Variants in SPECC1 observed in about 807,000 individuals in gnomAD.
SPECC1 encodes sperm antigen with calponin homology and coiled-coil domains 1, also known as cytospin-B.
A neutral mutation model predicts 104.1 loss-of-function variants in SPECC1; 62 were observed. That is an observed-to-expected ratio of 0.60 (90% CI 0.49 to 0.74). The LOEUF (loss-of-function observed/expected upper bound fraction) is 0.74. Among genes scored for constraint, SPECC1 ranks in the 30% least tolerant of loss-of-function variants. The pLI, the probability that SPECC1 is intolerant of heterozygous loss-of-function variation, is 0.00. For synonymous variants in SPECC1, 513 were observed against 501.6 expected (o/e 1.02, Z -0.30); for missense variants, 1,306 against 1,310.5 (o/e 1.00, Z 0.05).
At chr17:20,033,026 G>A (rs1268831855) in intron 1 of SPECC1, among the ~76,000 whole-genome samples, 5 of 151,060 alleles carry the variant, frequency 3.3e-5, no homozygotes, top group South Asian at 2.1e-4. Flanking sequence ...GTTCAGTGGC[G>A]TGATCTCGGC....
At chr17:20,258,661 A>G (rs934004555) in intron 11 of SPECC1, among the ~76,000 whole-genome samples, 2 of 152,204 alleles carry the variant, frequency 1.3e-5, no homozygotes, top group Non-Finnish European at 2.9e-5. Flanking sequence ...TGCCTTTGTA[A>G]TAGAACATGA....
chr17:20,204,590 G>A lies in SPECC1; in HGVS notation c.541G>A (p.Asp181Asn). 1.2e-6 allele frequency: 2 copies of A among 1,614,230 alleles called. No individual in the cohort carries two copies. The highest frequency in any genetic ancestry group is 1.7e-6 in the Non-Finnish European group (2 of 1,180,038). The change falls in exon 4 of 15, where the codon GAT becomes AAT. Residue 181 changes from aspartate to asparagine, a missense_variant. Asp to Asn is a conservative substitution (Grantham distance 23). Transcript: ENST00000395527. Reference sequence around the variant, plus strand: ...ACTTTTGGCAGAAGCCAAAGCAAAAGATAGTGAAATTAACAGGCTTCGAAG... The same window carrying A: ...ACTTTTGGCAGAAGCCAAAGCAAAAAATAGTGAAATTAACAGGCTTCGAAG... The part of the protein sequence containing the change: ...RELLAEAKAK[D>N]SEINRLRSEL...
intron 1 of SPECC1, among the ~76,000 whole-genome samples, chr17:20,041,527 G>A (rs930504964): frequency 1.3e-5 from 2 of 151,474 alleles, no homozygotes; most frequent in African/African-American, 4.9e-5. Context: ...CAGGCTGTGA[G>A]CCACTGCACC....
At chr17:20,060,351 T>C (rs1216434174) in intron 1 of SPECC1, among the ~76,000 whole-genome samples, 1 of 152,184 alleles carries the variant, frequency 6.6e-6, no homozygotes, top group African/African-American at 2.4e-5. Context: ...GCTTCATAAA[T>C]GCTAAAGCGT....
intron 3 of SPECC1, among the ~76,000 whole-genome samples, chr17:20,182,470 A>T (rs1027702014): frequency 5.9e-5 from 9 of 152,132 alleles, no homozygotes; most frequent in Non-Finnish European, 1.0e-4. Context: ...GAATCGGTTT[A>T]AAAAAAGATA....
chr17:20,075,085 T>A (rs2046705434), intron 1 of SPECC1, among the ~76,000 whole-genome samples: 1 of 151,174 alleles, frequency 6.6e-6, no homozygotes, highest in Admixed American at 6.6e-5. Flanking sequence ...GTATTTTTAG[T>A]AAAGACAACA....
chr17:20,171,618 G>C (rs1327906712), intron 3 of SPECC1, among the ~76,000 whole-genome samples: 1 of 152,020 alleles, frequency 6.6e-6, no homozygotes. Context: ...TGCAATCATG[G>C]CTCACTGCAG....
At chr17:20,081,545 G>C (rs986324530) in intron 1 of SPECC1, among the ~76,000 whole-genome samples, 4 of 152,046 alleles carry the variant, frequency 2.6e-5, no homozygotes, top group African/African-American at 9.7e-5. Context: ...TTGAGCAGAG[G>C]AGTGATGGGA....
intron 1 of SPECC1, among the ~76,000 whole-genome samples, chr17:20,048,825 G>A (rs1268598575): frequency 2.0e-5 from 3 of 151,902 alleles, no homozygotes; most frequent in Non-Finnish European, 2.9e-5. Flanking sequence ...CCAGGAGGTC[G>A]AGGCTGCAGT....
At chr17:20,307,837 ATTCT>A (rs746336384) in intron 14 of SPECC1, among the ~76,000 whole-genome samples, 12 of 152,348 alleles carry the variant, frequency 7.9e-5, no homozygotes, top group East Asian at 1.9e-4. Flanking sequence ...GAGTCCACAG[ATTCT>A]TTATTTATCT....
At chr17:20,183,068 AAG>A (rs1244460072) in intron 3 of SPECC1, among the ~76,000 whole-genome samples, 1 of 152,214 alleles carries the variant, frequency 6.6e-6, no homozygotes, top group Admixed American at 6.5e-5. Context: ...TAAATGCCAA[AAG>A]AGGTGGCGGT....
intron 3 of SPECC1, among the ~76,000 whole-genome samples, chr17:20,169,454 A>G (rs2033917737): frequency 6.6e-6 from 1 of 152,170 alleles, no homozygotes; most frequent in Non-Finnish European, 1.5e-5. Context: ...TTTAGATAGA[A>G]TGATTTGATG....
At chr17:20,311,966 A>C (rs1245234895) in intron 14 of SPECC1, among the ~76,000 whole-genome samples, 4 of 152,210 alleles carry the variant, frequency 2.6e-5, no homozygotes, top group African/African-American at 9.6e-5. Context: ...ATCAGTTTAC[A>C]AATGTTGAAC....
At chr17:20,077,539 T>C (rs2046807229) in intron 1 of SPECC1, among the ~76,000 whole-genome samples, 2 of 152,118 alleles carry the variant, frequency 1.3e-5, no homozygotes, top group Admixed American at 1.3e-4. Context: ...CAATCTCGTC[T>C]CACCACAACC....
At chr17:20,221,889 A>T (rs920253125) in intron 4 of SPECC1, among the ~76,000 whole-genome samples, 18 of 151,884 alleles carry the variant, frequency 1.2e-4, no homozygotes, top group Admixed American at 1.1e-3. Flanking sequence ...TAATTCCTTC[A>T]TTGACCCACT....
At chr17:20,088,552 C>CT (rs1324822265) in intron 1 of SPECC1, among the ~76,000 whole-genome samples, 1 of 152,096 alleles carries the variant, frequency 6.6e-6, no homozygotes, top group Non-Finnish European at 1.5e-5. Context: ...GCAAGAAAGT[C>CT]TTGATTGGCA....
Position 20,298,978 on chromosome 17 carries a change from G to GTGTGTGT in SPECC1, c.3057+1901_3057+1902insTGTGTGT, listed in dbSNP as rs747414391. On this transcript the variant is annotated intron_variant, in intron 13 of 14. Coordinates refer to ENST00000395527, the MANE Select transcript of SPECC1 (RefSeq NM_001243439.2). ...GTGTGTGTGTGTGTGTGTGTATGTAGAGAGAGAGAGAGAGAGAGGTGGGGG... is the reference window on the plus strand; with the variant it reads ...GTGTGTGTGTGTGTGTGTGTATGTAGTGTGTGTAGAGAGAGAGAGAGAGAGGTGGGGG... 4.5e-3 allele frequency among the ~76,000 whole-genome samples: 132 copies of GTGTGTGT among 29,454 alleles called. 1 individual carries two copies. The highest frequency in any genetic ancestry group is 0.029 in the South Asian group (12 of 416). The allele number at this position is 29,454 out of a possible 152,430, so 19.3% of individuals were successfully genotyped here.
At chr17:20,313,917 G>A (rs2041995761) in intron 14 of SPECC1, 59 bp from the exon 15 acceptor site, 2 of 1,525,500 alleles carry the variant, frequency 1.3e-6, no homozygotes, top group African/African-American at 1.4e-5. Flanking sequence ...AAGTCCTTGA[G>A]GGGAAGGGGT....
At chr17:20,137,246 T>C (rs1444289612) in intron 3 of SPECC1, among the ~76,000 whole-genome samples, 1 of 152,252 alleles carries the variant, frequency 6.6e-6, no homozygotes, top group Non-Finnish European at 1.5e-5. Flanking sequence ...GTCCCCTTTC[T>C]TCTTCAGTCT....
Sources: allele counts gnomAD v4.1 joint callset (sites outside exome capture counted in the v4.1 genomes callset), GRCh38; gene constraint gnomAD v4.1.1; transcripts MANE v1.5; gene names NCBI Gene and HGNC (gene_info 2026-07-23, HGNC 2026-07-21).